The following PBX4 variants were observed in gnomAD, a reference collection of about 807,000 sequenced individuals.
PBX4 encodes the protein PBX homeobox 4, also known as pre-B-cell leukemia transcription factor 4.
In PBX4, 26 loss-of-function variants were observed where a neutral mutation model predicts 35.1. That is an observed-to-expected ratio of 0.74 (90% CI 0.54 to 1.03). PBX4 has a LOEUF of 1.03. Ranked by LOEUF, PBX4 falls within the 50% of genes least tolerant of loss-of-function variation. The pLI is 0.00. For missense variants in PBX4, 448 were observed against 504.3 expected (o/e 0.89, Z 1.07); for synonymous variants, 199 against 204.2 (o/e 0.97, Z 0.22).
At chr19:19,580,593 G>A (rs1484215752) in intron 2 of PBX4, among the ~76,000 whole-genome samples, 1 of 152,192 alleles carries the variant, frequency 6.6e-6, no homozygotes, top group African/African-American at 2.4e-5. Flanking sequence ...AGGTAATAAG[G>A]AAATGAGTTC....
Position 19,563,410 on chromosome 19 carries a change from T to C in PBX4, c.1032+99A>G, listed in dbSNP as rs57368710. On this transcript the variant is annotated intron_variant, in intron 7 of 7. Coordinates refer to ENST00000251203, the MANE Select transcript of PBX4 (RefSeq NM_025245.3). The surrounding 1 kb of genome is among the most constrained non-coding windows in gnomAD (Gnocchi z 5.1). ...TGGCCTGTGTGGCTGCTGGGACCTC[T>C]GGGGAAGCTGCCCCAAGGCCGAGGG... 27,060 of 961,066 alleles carry C rather than the reference T, an allele frequency of 0.028. 1,495 individuals carry two copies. The highest frequency in any genetic ancestry group is 0.16 in the African/African-American group (9,954 of 60,334). 59.5% of individuals were successfully genotyped at this position (961,066 alleles called of 1,614,324 possible).
In PBX4 at chr19:19,570,712, C is replaced by A. The variant is rs770737826; in HGVS notation, c.315G>T (p.Val105=). The change falls in exon 3 of 8, where the codon GTG becomes GTT. Residue 105 remains valine (V), a synonymous_variant. Coordinates refer to ENST00000251203, the MANE Select transcript of PBX4 (RefSeq NM_025245.3). ...CTGGTGTTGCTGTGCCGGCCCTGGCCACCGCTCCTCCTCTTCCTCTCTTCT... is the reference window on the plus strand; with the variant it reads ...CTGGTGTTGCTGTGCCGGCCCTGGCAACCGCTCCTCCTCTTCCTCTCTTCT... ...RPEKRGRGGA[V]ARAGTATPGG... 55 of 1,614,022 alleles carry A rather than the reference C, an allele frequency of 3.4e-5. No individual in the cohort carries two copies. In the South Asian group the frequency reaches 5.9e-4, roughly 17 times the overall value.
At chr19:19,612,099 T>C (rs1488401048) in intron 1 of PBX4, among the ~76,000 whole-genome samples, 1 of 151,738 alleles carries the variant, frequency 6.6e-6, no homozygotes, top group African/African-American at 2.4e-5. Flanking sequence ...TGAAACTGTG[T>C]CTCTACTAAA....
intron 2 of PBX4, among the ~76,000 whole-genome samples, chr19:19,594,014 G>A (rs1324506272): frequency 6.6e-6 from 1 of 150,616 alleles, no homozygotes. Flanking sequence ...GGAAGCTGAG[G>A]TGTGAGGATC....
At chr19:19,603,405 G>C (rs1292617358) in intron 1 of PBX4, among the ~76,000 whole-genome samples, 1 of 151,968 alleles carries the variant, frequency 6.6e-6, no homozygotes, top group Non-Finnish European at 1.5e-5. Context: ...TCCACCTCAT[G>C]GGTTCAGGTG....
At chr19:19,595,492 G>A (rs1340628953) in intron 2 of PBX4, among the ~76,000 whole-genome samples, 1 of 152,152 alleles carries the variant, frequency 6.6e-6, no homozygotes, top group East Asian at 1.9e-4. Context: ...CAAGAAACTT[G>A]TGTGTCTGGT....
At chr19:19,576,100 T>C (rs1256809102) in intron 2 of PBX4, among the ~76,000 whole-genome samples, 1 of 102,022 alleles carries the variant, frequency 9.8e-6, no homozygotes, top group Non-Finnish European at 2.6e-5. Context: ...TTCATTTATG[T>C]ATTTAGGGGC....
intron 2 of PBX4, 107 bp downstream of exon 2, chr19:19,599,185 T>A: frequency 1.1e-6 from 1 of 902,984 alleles, no homozygotes; most frequent in Non-Finnish European, 1.8e-6. Flanking sequence ...GTCAGGCTGG[T>A]CTGGAATCCA....
intron 2 of PBX4, among the ~76,000 whole-genome samples, chr19:19,579,110 G>A (rs1600411464): frequency 6.6e-6 from 1 of 152,220 alleles, no homozygotes; most frequent in East Asian, 1.9e-4. Context: ...CAGCACTTTG[G>A]GAGGCCAAGG....
At chr19:19,597,024 C>T (rs963139676) in intron 2 of PBX4, among the ~76,000 whole-genome samples, 1 of 151,802 alleles carries the variant, frequency 6.6e-6, no homozygotes, top group Admixed American at 6.6e-5. Flanking sequence ...CCAGCCTGGC[C>T]AACATGGTGA....
In PBX4 at chr19:19,570,255, C is replaced by T; in HGVS notation, c.486G>A (p.Glu162=). 1 of 1,613,250 alleles carries T rather than the reference C, an allele frequency of 6.2e-7. No individual in the cohort carries two copies. Among genetic ancestry groups the T allele is most frequent in the Non-Finnish European group, 8.5e-7 (1 of 1,179,498 alleles). The change falls in exon 4 of 8, where the codon GAG becomes GAA. Residue 162 remains glutamate (E), a synonymous_variant. Coordinates refer to ENST00000251203, the MANE Select transcript of PBX4 (RefSeq NM_025245.3). ...FTTHVTNLLQ[E]QSRMRPVSPK... Reference sequence around the variant, plus strand: ...GGGAGACAGGCCTCATCCTGCTCTGCTCCTGGAGGAGGTTGGTGACGTGCG... The same window carrying T: ...GGGAGACAGGCCTCATCCTGCTCTGTTCCTGGAGGAGGTTGGTGACGTGCG...
Position 19,570,226 on chromosome 19 carries a change from T to C in PBX4, c.515A>G (p.Lys172Arg). ...GGCGCCGACCATGCGCTCAATCTCC[T>C]TAGGGGAGACAGGCCTCATCCTGCT... ...EQSRMRPVSP[K>R]EIERMVGAIH... The change falls in exon 4 of 8, where the codon AAG becomes AGG. Residue 172 changes from lysine to arginine, a missense_variant. Lys to Arg is a conservative substitution (Grantham distance 26). Coordinates refer to ENST00000251203, the MANE Select transcript of PBX4 (RefSeq NM_025245.3). The C allele has an allele frequency of 6.2e-7, 1 of 1,614,062 alleles. No individual in the cohort carries two copies. Among genetic ancestry groups the C allele is most frequent in the Non-Finnish European group, 8.5e-7 (1 of 1,179,980 alleles).
intron 2 of PBX4, among the ~76,000 whole-genome samples, chr19:19,587,592 T>TAA (rs34647983): frequency 0.068 from 6,124 of 90,590 alleles, 225 homozygotes; most frequent in South Asian, 0.15. Context: ...CGTCTCAAAT[T>TAA]AAAAAAAAAA....
In PBX4 at chr19:19,563,729, T is replaced by C; in HGVS notation, c.926-114A>G. The C allele has an allele frequency of 1.1e-6, 1 of 877,332 alleles. No individual in the cohort carries two copies. The highest frequency in any genetic ancestry group is 1.9e-6 in the Non-Finnish European group (1 of 539,716). 54.3% of individuals were successfully genotyped at this position (877,332 alleles called of 1,614,324 possible). On this transcript the variant is annotated intron_variant, in intron 6 of 7. Transcript: ENST00000251203. The surrounding 1 kb of genome is among the most constrained non-coding windows in gnomAD (Gnocchi z 5.1). ...ATGTGGCTCCTGCCCCTCCTCAGCA[T>C]CCGGCCTCTGCTCCTCAGCCCCCAC... is the stretch of plus-strand genomic sequence containing the variant.
At position 19,562,592 on chromosome 19, in the gene PBX4, T is replaced by C. The variant is rs1354284694; in HGVS notation, c.1033-475A>G. On this transcript the variant is annotated intron_variant, in intron 7 of 7. Transcript: ENST00000251203. The surrounding 1 kb of genome is among the most constrained non-coding windows in gnomAD (Gnocchi z 4.8). Reference sequence around the variant, plus strand: ...TAAGGGGTGGGGGCTCTGTCTGCAGTGCAGAGACGGCATCACGTCCAACGG... The same window carrying C: ...TAAGGGGTGGGGGCTCTGTCTGCAGCGCAGAGACGGCATCACGTCCAACGG... 1.3e-5 allele frequency among the ~76,000 whole-genome samples: 2 copies of C among 151,998 alleles called. No homozygotes were observed. The highest frequency in any genetic ancestry group is 2.9e-5 in the Non-Finnish European group (2 of 67,982).
intron 6 of PBX4, among the ~76,000 whole-genome samples, chr19:19,564,177 A>G (rs1248180215): frequency 4.0e-5 from 5 of 124,870 alleles, no homozygotes; most frequent in African/African-American, 1.2e-4. Flanking sequence ...AGAGTGTGAT[A>G]TTCCCCTTCC....
intron 1 of PBX4, among the ~76,000 whole-genome samples, chr19:19,599,604 G>A (rs560963582): frequency 6.6e-6 from 1 of 152,182 alleles, no homozygotes; most frequent in African/African-American, 2.4e-5. Context: ...TTGGGAGGTC[G>A]AGGCAGGTGG....
intron 2 of PBX4, among the ~76,000 whole-genome samples, chr19:19,579,569 C>T (rs1031120244): frequency 1.3e-5 from 2 of 152,204 alleles, no homozygotes; most frequent in South Asian, 2.1e-4. Context: ...GCTGTGCTCC[C>T]GCCTCCTTCC....
At position 19,562,096 on chromosome 19, in the gene PBX4, C is replaced by A. The variant is rs1236235757; in HGVS notation, c.1054G>T (p.Ala352Ser). 1.2e-6 allele frequency: 2 copies of A among 1,611,328 alleles called. No homozygotes were observed. The highest frequency in any genetic ancestry group is 4.5e-5 in the East Asian group (2 of 44,676). Residue 352 changes from alanine to serine, a missense_variant, in exon 8 of 8, where the codon GCC (alanine) becomes TCC (serine). Physicochemically the swap from Ala to Ser is moderately conservative, Grantham distance 99. Coordinates refer to ENST00000251203, the MANE Select transcript of PBX4 (RefSeq NM_025245.3). This position sits in a 1 kb window ranked among gnomAD's most constrained non-coding sequence, Gnocchi z 4.8. ...QSQAQGSWQG[A>S]TPQPATASPA... is the part of the protein sequence containing the mutation. ...GAGGCAGTTGCAGGTTGGGGGGTGG[C>A]CCCCTGCCAGCTACCCTGGGCCTGA...
Sources: gnomAD v4.1 joint callset for allele counts (sites outside exome capture counted in the v4.1 genomes callset) on GRCh38, gnomAD v4.1.1 for gene constraint, Gnocchi (gnomAD v3.1) non-coding constraint, MANE v1.5 for transcripts, NCBI Gene and HGNC (gene_info 2026-07-23, HGNC 2026-07-21) for gene names.